RGS17: variants seen among roughly 807,000 people sequenced by gnomAD.
RGS17 encodes the protein regulator of G-protein signaling 17.
A neutral mutation model predicts 25.5 loss-of-function variants in RGS17; 12 were observed. The ratio of observed to expected loss-of-function variants is 0.47; its 90% CI spans 0.30 to 0.76. RGS17 has a LOEUF of 0.76. RGS17 is among the 30% of genes least tolerant of loss of function. RGS17 has a pLI of 0.07. For synonymous variants in RGS17, 71 were observed against 76.9 expected (o/e 0.92, Z 0.40); for missense variants, 196 against 242.2 (o/e 0.81, Z 1.27).
chr6:153,069,202 C>T (rs1189774459), intron 1 of RGS17, among the ~76,000 whole-genome samples: 1 of 152,058 alleles, frequency 6.6e-6, no homozygotes, highest in Non-Finnish European at 1.5e-5. Flanking sequence ...TGGAAGCAAC[C>T]TAAGTGTCCA....
intron 2 of RGS17, among the ~76,000 whole-genome samples, chr6:153,034,106 T>C (rs1323912594): frequency 6.6e-6 from 1 of 152,218 alleles, no homozygotes; most frequent in Non-Finnish European, 1.5e-5. Flanking sequence ...ATATATCTGA[T>C]AGCTGGCAGG....
intron 1 of RGS17, among the ~76,000 whole-genome samples, chr6:153,088,610 CTTTTA>C (rs1206802882): frequency 3.3e-5 from 5 of 151,946 alleles, no homozygotes; most frequent in African/African-American, 7.2e-5. Flanking sequence ...ATGTTAGAGT[CTTTTA>C]TTTTGTTTTC....
intron 1 of RGS17, among the ~76,000 whole-genome samples, chr6:153,055,098 G>A (rs1466361670): frequency 6.6e-6 from 1 of 152,164 alleles, no homozygotes; most frequent in Non-Finnish European, 1.5e-5. Flanking sequence ...GCCTAGGAAG[G>A]TCCTTCCCAA....
At chr6:153,045,345 G>C (rs1294054840) in intron 1 of RGS17, among the ~76,000 whole-genome samples, 1 of 152,168 alleles carries the variant, frequency 6.6e-6, no homozygotes, top group Non-Finnish European at 1.5e-5. Flanking sequence ...CAGGGGCTGT[G>C]ATTGTGCCCT....
chr6:153,026,514 T>C lies in RGS17; in HGVS notation c.149A>G (p.Glu50Gly), dbSNP rs767208968. Reference sequence around the variant, plus strand: ...AGTGTGTGTGGGTCTTCCCGCATTTTCCCCTCTTTCTTCATTCCTCACAGT... The same window carrying C: ...AGTGTGTGTGGGTCTTCCCGCATTTCCCCCTCTTTCTTCATTCCTCACAGT... The part of the protein sequence containing the change: ...CLTVRNEERG[E>G]NAGRPTHTTK... Residue 50 changes from glutamate to glycine, a missense_variant, in exon 3 of 5, where the codon GAA (glutamate) becomes GGA (glycine). Coordinates refer to ENST00000206262, the MANE Select transcript of RGS17 (RefSeq NM_012419.5). 1.9e-6 allele frequency: 3 copies of C among 1,613,584 alleles called. No homozygotes were observed. Among genetic ancestry groups the C allele is most frequent in the Non-Finnish European group, 2.5e-6 (3 of 1,179,608 alleles).
At chr6:153,109,640 G>A (rs1215178183) in intron 1 of RGS17, among the ~76,000 whole-genome samples, 1 of 133,354 alleles carries the variant, frequency 7.5e-6, no homozygotes, top group Non-Finnish European at 1.6e-5. Context: ...GATGCTTCAA[G>A]TAAAGCCATT....
At chr6:153,124,522 A>G (rs1777678751) in intron 1 of RGS17, among the ~76,000 whole-genome samples, 1 of 152,220 alleles carries the variant, frequency 6.6e-6, no homozygotes, top group African/African-American at 2.4e-5. Flanking sequence ...ACAATACCTA[A>G]CACTTCCATA....
chr6:153,103,247 A>ACTGT (rs1777331466), intron 1 of RGS17, among the ~76,000 whole-genome samples: 1 of 152,262 alleles, frequency 6.6e-6, no homozygotes, highest in Non-Finnish European at 1.5e-5. Flanking sequence ...TGGTTAAGGA[A>ACTGT]TAATGGGCTG....
intron 2 of RGS17, among the ~76,000 whole-genome samples, chr6:153,033,131 A>G (rs1303611490): frequency 6.6e-6 from 1 of 152,138 alleles, no homozygotes; most frequent in Non-Finnish European, 1.5e-5. Context: ...CTCAGTTGCC[A>G]ATTTCTTTCT....
intron 1 of RGS17, among the ~76,000 whole-genome samples, chr6:153,072,220 A>C (rs1440345785): frequency 6.6e-6 from 1 of 152,188 alleles, no homozygotes; most frequent in Non-Finnish European, 1.5e-5. Context: ...ACACTGATGG[A>C]AAACATATAA....
At chr6:153,054,647 T>A (rs900387681) in intron 1 of RGS17, among the ~76,000 whole-genome samples, 1 of 104,864 alleles carries the variant, frequency 9.5e-6, no homozygotes, top group Non-Finnish European at 1.9e-5. Flanking sequence ...CATGACTTCA[T>A]CTCAAATAAA....
chr6:153,070,806 TA>T (rs1368435604), intron 1 of RGS17, among the ~76,000 whole-genome samples: 1 of 150,904 alleles, frequency 6.6e-6, no homozygotes, highest in African/African-American at 2.4e-5. Flanking sequence ...CATATACATA[TA>T]CACATATACA....
intron 1 of RGS17, among the ~76,000 whole-genome samples, chr6:153,087,681 G>GT (rs755222168): frequency 8.5e-5 from 13 of 152,142 alleles, no homozygotes; most frequent in Non-Finnish European, 1.8e-4. Context: ...TCTCACCACT[G>GT]TATGTTGGGT....
intron 1 of RGS17, among the ~76,000 whole-genome samples, chr6:153,061,827 T>C (rs1460442056): frequency 1.3e-5 from 2 of 152,248 alleles, no homozygotes; most frequent in Non-Finnish European, 2.9e-5. Flanking sequence ...TTCTCTCTTT[T>C]GTACTTCATA....
rs1178812512 is a variant in RGS17, at chr6:153,011,541, C to T, written c.*33G>A. 7 of 1,458,320 alleles carry T rather than the reference C, an allele frequency of 4.8e-6. No homozygotes were observed. The South Asian group carries it at 5.9e-5, about 12-fold the overall frequency. 90.3% of individuals were successfully genotyped at this position (1,458,320 alleles called of 1,614,324 possible). A position where few individuals can be genotyped will look rare whatever the true frequency, so the allele number is the denominator to read the frequency against. On this transcript the variant is annotated 3_prime_UTR_variant, in exon 5 of 5. Coordinates refer to ENST00000206262, the MANE Select transcript of RGS17 (RefSeq NM_012419.5). ...ATTTAACTACTTTTATTTCCCATCTCAGCCCTCCAAAATGATTGTTTTTAA... is the reference window on the plus strand; with the variant it reads ...ATTTAACTACTTTTATTTCCCATCTTAGCCCTCCAAAATGATTGTTTTTAA...
rs1779132060 is a variant in RGS17, at chr6:153,011,451, T to C, written c.*123A>G. ...AAATGGAGACAAAGACCATAACGGT[T>C]GTGTTTTCACAGTAGCCTGAGGAAT... On this transcript the variant is annotated 3_prime_UTR_variant, in exon 5 of 5. Coordinates refer to ENST00000206262, the MANE Select transcript of RGS17 (RefSeq NM_012419.5). 2 of 659,566 alleles carry C rather than the reference T, an allele frequency of 3.0e-6. No homozygotes were observed. The highest frequency in any genetic ancestry group is 6.1e-5 in the Admixed American group (2 of 32,556). The allele number at this position is 659,566 out of a possible 1,614,324, so 40.9% of individuals were successfully genotyped here. A position where few individuals can be genotyped will look rare whatever the true frequency, so the allele number is the denominator to read the frequency against.
Position 153,005,891 on chromosome 6 carries a change from G to C in RGS17, c.*5683C>G, listed in dbSNP as rs1779069779. On this transcript the variant is annotated 3_prime_UTR_variant, in exon 5 of 5. Coordinates refer to ENST00000206262, the MANE Select transcript of RGS17 (RefSeq NM_012419.5). ...AATCTGAATGAAGTATGAATGTAAT[G>C]ATCAATATTGGCTCATTAATGCCCA... The C allele has an allele frequency of 6.6e-6, 1 of 152,128 alleles. No homozygotes were observed. 9.4% of individuals were successfully genotyped at this position (152,128 alleles called of 1,614,324 possible). A position where few individuals can be genotyped will look rare whatever the true frequency, so the allele number is the denominator to read the frequency against.
chr6:153,050,454 G>T (rs1333188389), intron 1 of RGS17, among the ~76,000 whole-genome samples: 1 of 151,986 alleles, frequency 6.6e-6, no homozygotes, highest in Admixed American at 6.6e-5. Context: ...GGTCATAAAA[G>T]AGGAAAATAT....
intron 1 of RGS17, among the ~76,000 whole-genome samples, chr6:153,102,951 T>C (rs1272635271): frequency 2.0e-5 from 3 of 152,220 alleles, no homozygotes; most frequent in African/African-American, 7.2e-5. Flanking sequence ...GCTGAATGAA[T>C]AAAATGAATT....
Sources: allele counts gnomAD v4.1 joint callset (sites outside exome capture counted in the v4.1 genomes callset), GRCh38; gene constraint gnomAD v4.1.1; transcripts MANE v1.5; gene names NCBI Gene and HGNC (gene_info 2026-07-23, HGNC 2026-07-21).